The following CCDC7 variants were observed in gnomAD, a reference collection of about 807,000 sequenced individuals.
CCDC7 encodes the protein coiled-coil domain-containing protein 7.
A neutral mutation model predicts 196.9 loss-of-function variants in CCDC7; 183 were observed. The observed-to-expected ratio is 0.93, with a 90% CI of 0.82 to 1.05. CCDC7 has a LOEUF of 1.05. Ranked by LOEUF, CCDC7 falls within the 50% of genes least tolerant of loss-of-function variation. The probability of loss-of-function intolerance (pLI) is 0.00; values close to 1 mark genes in which losing one functional copy is unlikely to be tolerated. For missense variants in CCDC7, 1,540 were observed against 1,482.2 expected (o/e 1.04, Z -0.64); for synonymous variants, 525 against 484.6 (o/e 1.08, Z -1.10).
intron 29 of CCDC7, among the ~76,000 whole-genome samples, chr10:32,800,411 G>A (rs1432512271): frequency 6.6e-6 from 1 of 152,118 alleles, no homozygotes; most frequent in Non-Finnish European, 1.5e-5. Context: ...TTCTGGCACT[G>A]GGGAAATGAC....
At chr10:32,462,912 T>A (rs187275637) in intron 4 of CCDC7, 105 bp from the exon 6 acceptor site, 1 of 1,518,662 alleles carries the variant, frequency 6.6e-7, no homozygotes, top group Admixed American at 1.9e-5. Flanking sequence ...ATTTGATGGA[T>A]GAAGATTCAG....
intron 13 of CCDC7, among the ~76,000 whole-genome samples, chr10:32,556,206 A>G (rs2947078): frequency 0.14 from 21,032 of 152,212 alleles, 1,756 homozygotes; most frequent in East Asian, 0.25. Flanking sequence ...ATAAAATTCA[A>G]TTAAGTCTAG....
intron 9 of CCDC7, among the ~76,000 whole-genome samples, chr10:32,508,186 GAACT>G (rs1457909963): frequency 6.6e-6 from 1 of 152,088 alleles, no homozygotes; most frequent in Admixed American, 6.5e-5. Context: ...AAAACTCTTA[GAACT>G]AATAAATGTA....
rs557921395 is a variant in CCDC7, at chr10:32,766,404, A to G, written c.2906-12573A>G. Among the ~76,000 whole-genome samples the G allele has an allele frequency of 3.3e-5, 5 of 152,148 alleles. No individual in the cohort carries two copies. The South Asian group carries it at 1.0e-3, about 32-fold the overall frequency. On this transcript the variant is annotated intron_variant, in intron 28 of 41. Coordinates refer to ENST00000639629, the Ensembl canonical transcript of CCDC7. The stretch of plus-strand genomic sequence containing the variant: ...ACCAAGAACAAGAGAAGGTTCTGCA[A>G]CAGGTACAGGGTGCTCTTCCACTTG...
intron 8 of CCDC7, among the ~76,000 whole-genome samples, chr10:32,481,076 T>G (rs2039882241): frequency 6.6e-6 from 1 of 152,184 alleles, no homozygotes; most frequent in South Asian, 2.1e-4. Context: ...GCTTTTTTCA[T>G]TATATAATAA....
At chr10:32,852,020 C>A in intron 40 of CCDC7, 88 bp downstream of exon 41, 1 of 1,354,444 alleles carries the variant, frequency 7.4e-7, no homozygotes, top group South Asian at 1.7e-5. Flanking sequence ...TAGCTTTAGT[C>A]ATATAACAGT....
chr10:32,585,585 T>A (rs2059189472), intron 18 of CCDC7, among the ~76,000 whole-genome samples: 1 of 152,170 alleles, frequency 6.6e-6, no homozygotes. Flanking sequence ...CCATGTGTTC[T>A]CATTGTTCAG....
At chr10:32,568,428 G>C (rs1270529342) in intron 15 of CCDC7, among the ~76,000 whole-genome samples, 2 of 152,046 alleles carry the variant, frequency 1.3e-5, no homozygotes, top group African/African-American at 4.8e-5. Flanking sequence ...TCTGAGATTT[G>C]AGTCCTTTAT....
intron 5 of CCDC7, among the ~76,000 whole-genome samples, chr10:32,466,504 ATAAG>A (rs2036834220): frequency 6.6e-6 from 1 of 152,140 alleles, no homozygotes; most frequent in South Asian, 2.1e-4. Flanking sequence ...GCTCCCACTT[ATAAG>A]TGAGAACATG....
At chr10:32,575,019 C>G (rs539355512) in intron 16 of CCDC7, among the ~76,000 whole-genome samples, 1 of 152,068 alleles carries the variant, frequency 6.6e-6, no homozygotes, top group Non-Finnish European at 1.5e-5. Flanking sequence ...GATGCCTTTT[C>G]TTGTGGTACT....
At chr10:32,543,951 T>C (rs918461066) in intron 12 of CCDC7, among the ~76,000 whole-genome samples, 5 of 152,014 alleles carry the variant, frequency 3.3e-5, no homozygotes, top group Non-Finnish European at 5.9e-5. Flanking sequence ...GAAAAGAAAT[T>C]CATGGGACAA....
intron 18 of CCDC7, among the ~76,000 whole-genome samples, chr10:32,626,122 T>C (rs2064009648): frequency 6.6e-6 from 1 of 152,088 alleles, no homozygotes; most frequent in Admixed American, 6.6e-5. Context: ...ATTCTATTTT[T>C]AGTGTTTTGA....
At chr10:32,624,772 C>A (rs2063788626) in intron 18 of CCDC7, among the ~76,000 whole-genome samples, 1 of 151,994 alleles carries the variant, frequency 6.6e-6, no homozygotes, top group Non-Finnish European at 1.5e-5. Flanking sequence ...ATGACTTTTT[C>A]ATATACTTAC....
chr10:32,611,472 G>A (rs566940074), intron 18 of CCDC7, among the ~76,000 whole-genome samples: 59 of 152,268 alleles, frequency 3.9e-4, no homozygotes, highest in African/African-American at 1.4e-3. Context: ...TGCTTTTGGT[G>A]TTTTAGTCAT....
At chr10:32,686,885 T>C (rs181897879) in intron 22 of CCDC7, among the ~76,000 whole-genome samples, 33 of 152,342 alleles carry the variant, frequency 2.2e-4, no homozygotes, top group Non-Finnish European at 4.6e-4. Flanking sequence ...TAGGGAGTCA[T>C]CAACGTCGTA....
intron 36 of CCDC7, among the ~76,000 whole-genome samples, 165 bp downstream of exon 37, chr10:32,846,124 A>C (rs897950475): frequency 1.3e-5 from 2 of 152,076 alleles, no homozygotes; most frequent in African/African-American, 2.4e-5. Flanking sequence ...ATGCACAATT[A>C]AAGAGTCACC....
intron 29 of CCDC7, among the ~76,000 whole-genome samples, chr10:32,802,092 G>T (rs2084916204): frequency 6.6e-6 from 1 of 152,154 alleles, no homozygotes; most frequent in Admixed American, 6.5e-5. Context: ...CACAATTTCA[G>T]CTTTTTTTCT....
chr10:32,706,938 GA>G (rs1010936213), intron 24 of CCDC7, among the ~76,000 whole-genome samples: 10 of 152,212 alleles, frequency 6.6e-5, no homozygotes, highest in African/African-American at 2.4e-4. Flanking sequence ...CCAATCAGTA[GA>G]AAAAGAGGGA....
intron 29 of CCDC7, among the ~76,000 whole-genome samples, chr10:32,780,686 T>G (rs1188213137): frequency 6.6e-6 from 1 of 151,850 alleles, no homozygotes. Flanking sequence ...AAAAGTCAAC[T>G]AAACACAAAA....
Sources: allele counts gnomAD v4.1 joint callset (sites outside exome capture counted in the v4.1 genomes callset), GRCh38; gene constraint gnomAD v4.1.1; transcripts MANE v1.5; gene names NCBI Gene and HGNC (gene_info 2026-07-23, HGNC 2026-07-21).